Variants in F13A1 observed in about 807,000 individuals in gnomAD.
F13A1 encodes the protein FSF, A subunit.
A neutral mutation model predicts 80.1 loss-of-function variants in F13A1; 47 were observed. The observed-to-expected ratio is 0.59, with a 90% CI of 0.46 to 0.75. The LOEUF (loss-of-function observed/expected upper bound fraction) is 0.75. Among genes scored for constraint, F13A1 ranks in the 30% least tolerant of loss-of-function variants. F13A1 has a pLI of 0.00. For missense variants in F13A1, 817 were observed against 930.4 expected (o/e 0.88, Z 1.59); for synonymous variants, 349 against 344.9 (o/e 1.01, Z -0.13).
intron 4 of F13A1, among the ~76,000 whole-genome samples, chr6:6,256,549 T>C (rs778203088): frequency 7.9e-5 from 12 of 152,094 alleles, no homozygotes; most frequent in Non-Finnish European, 1.3e-4. Context: ...ACAAGAGGCA[T>C]GTAGTGAAGA....
chr6:6,200,642 C>T (rs6924490), intron 8 of F13A1, among the ~76,000 whole-genome samples: 35,862 of 151,360 alleles, frequency 0.24, 4,913 homozygotes, highest in African/African-American at 0.37. Context: ...AAGTCTGTTT[C>T]GGTTATTTTC....
intron 8 of F13A1, among the ~76,000 whole-genome samples, chr6:6,221,013 T>C (rs1053509369): frequency 2.0e-5 from 3 of 152,206 alleles, no homozygotes; most frequent in African/African-American, 7.2e-5. Context: ...TAAAATGAAC[T>C]TGTAACTTCC....
chr6:6,267,729 A>C (rs1757865066), intron 3 of F13A1, among the ~76,000 whole-genome samples: 1 of 146,068 alleles, frequency 6.8e-6, no homozygotes, highest in South Asian at 2.3e-4. Context: ...TCTACGTGTT[A>C]ATGATAGATT....
At position 6,145,437 on chromosome 6, in the gene F13A1, G is replaced by A. The variant is rs755670896; in HGVS notation, c.*182C>T. The A allele has an allele frequency of 1.3e-4, 94 of 733,886 alleles. 1 individual carries two copies. The highest frequency in any genetic ancestry group is 9.0e-4 in the South Asian group (55 of 61,446). The allele number at this position is 733,886 out of a possible 1,614,324, so 45.5% of individuals were successfully genotyped here. On this transcript the variant is annotated 3_prime_UTR_variant, in exon 15 of 15. Transcript: ENST00000264870. ...GAGATTAAAAACTAACTTCCTTGCC[G>A]AATAGCCTGGGTTTGGAAAAGCATG...
intron 10 of F13A1, among the ~76,000 whole-genome samples, chr6:6,194,539 C>T (rs1304262304): frequency 6.6e-6 from 1 of 152,172 alleles, no homozygotes; most frequent in Non-Finnish European, 1.5e-5. Context: ...CCCAGGTCGC[C>T]CTTCCTTCCT....
At chr6:6,190,274 C>T (rs1033845713) in intron 10 of F13A1, among the ~76,000 whole-genome samples, 13 of 152,320 alleles carry the variant, frequency 8.5e-5, no homozygotes, top group East Asian at 3.9e-4. Flanking sequence ...TGAGGAACTG[C>T]GTTCCTTTGG....
At chr6:6,201,674 C>G (rs769381213) in intron 8 of F13A1, among the ~76,000 whole-genome samples, 33 of 152,174 alleles carry the variant, frequency 2.2e-4, no homozygotes, top group Non-Finnish European at 4.0e-4. Context: ...ATGAAAGAGG[C>G]TAATGTTTAC....
At chr6:6,147,084 C>T (rs1362615033) in intron 14 of F13A1, among the ~76,000 whole-genome samples, 8 of 152,204 alleles carry the variant, frequency 5.3e-5, no homozygotes, top group East Asian at 3.9e-4. Flanking sequence ...TGTTCTCACT[C>T]ATAAGCTGGA....
intron 3 of F13A1, among the ~76,000 whole-genome samples, chr6:6,271,898 C>A (rs563155013): frequency 6.6e-6 from 1 of 152,328 alleles, no homozygotes; most frequent in East Asian, 1.9e-4. Flanking sequence ...CTACCTTAAT[C>A]CCCCCAGCTG....
At chr6:6,238,233 G>A (rs946113531) in intron 6 of F13A1, among the ~76,000 whole-genome samples, 2 of 152,142 alleles carry the variant, frequency 1.3e-5, no homozygotes, top group Non-Finnish European at 2.9e-5. Flanking sequence ...TTTCAACAAA[G>A]AAACTCTTTG....
intron 2 of F13A1, among the ~76,000 whole-genome samples, chr6:6,313,692 A>C (rs962806312): frequency 6.6e-6 from 1 of 152,196 alleles, no homozygotes; most frequent in African/African-American, 2.4e-5. Context: ...TTAAAAAAAA[A>C]CAGGAAAAAT....
intron 10 of F13A1, among the ~76,000 whole-genome samples, chr6:6,190,407 G>A (rs1377385852): frequency 4.6e-5 from 7 of 151,506 alleles, no homozygotes; most frequent in African/African-American, 1.2e-4. Context: ...TTTTTGGTGT[G>A]GATGTCCTTT....
At chr6:6,232,582 C>G (rs935185223) in intron 6 of F13A1, among the ~76,000 whole-genome samples, 1 of 152,148 alleles carries the variant, frequency 6.6e-6, no homozygotes, top group African/African-American at 2.4e-5. Flanking sequence ...TAGATTTAAA[C>G]TATACCTTGG....
At chr6:6,310,709 G>A (rs1050708925) in intron 2 of F13A1, among the ~76,000 whole-genome samples, 2 of 152,142 alleles carry the variant, frequency 1.3e-5, no homozygotes, top group African/African-American at 4.8e-5. Context: ...AAAATGCACC[G>A]AGTGCTCTAT....
chr6:6,214,131 G>A (rs1761675940), intron 8 of F13A1, among the ~76,000 whole-genome samples: 1 of 128,072 alleles, frequency 7.8e-6, no homozygotes, highest in African/African-American at 3.2e-5. Flanking sequence ...GAGACAGAAA[G>A]TCAACAAGGA....
At chr6:6,213,332 C>T (rs1469879044) in intron 8 of F13A1, among the ~76,000 whole-genome samples, 13 of 152,192 alleles carry the variant, frequency 8.5e-5, no homozygotes, top group East Asian at 5.8e-4. Context: ...GCGGATCTCT[C>T]GGCAGAAACT....
Position 6,214,311 on chromosome 6 carries a change from G to C in F13A1, c.1112+7722C>G, listed in dbSNP as rs567216055. Among the ~76,000 whole-genome samples, 1,102 of 151,794 alleles carry C rather than the reference G, an allele frequency of 7.3e-3. 7 individuals carry two copies. The highest frequency in any genetic ancestry group is 0.038 in the Middle Eastern group (11 of 292). ...CCTCCTCAGCAAATGTAAAAGAACA[G>C]AAATTATAACAAACTATGTCTCAGA... On this transcript the variant is annotated intron_variant, in intron 8 of 14. Transcript: ENST00000264870.
intron 7 of F13A1, 146 bp downstream of exon 7, chr6:6,224,540 T>C: frequency 2.9e-6 from 2 of 695,442 alleles, no homozygotes; most frequent in Non-Finnish European, 4.9e-6. Flanking sequence ...AATTTAATTA[T>C]GCATTGACTA....
intron 1 of F13A1, among the ~76,000 whole-genome samples, chr6:6,319,105 A>G (rs1758731754): frequency 6.6e-6 from 1 of 152,234 alleles, no homozygotes; most frequent in African/African-American, 2.4e-5. Context: ...TTAAGAATAA[A>G]CGCACACAAC....
Sources: gnomAD v4.1 joint callset for allele counts (sites outside exome capture counted in the v4.1 genomes callset) on GRCh38, gnomAD v4.1.1 for gene constraint, MANE v1.5 for transcripts, NCBI Gene and HGNC (gene_info 2026-07-23, HGNC 2026-07-21) for gene names.